Variants in RCOR3 observed in about 807,000 individuals in gnomAD.
RCOR3 encodes the protein REST corepressor 3.
In RCOR3, 13 loss-of-function variants were observed where a neutral mutation model predicts 64.1. The observed-to-expected ratio is 0.20, with a 90% CI of 0.13 to 0.32. The LOEUF is 0.32. Among genes scored for constraint, RCOR3 ranks in the 10% least tolerant of loss-of-function variants. RCOR3 has a pLI of 1.00. For synonymous variants in RCOR3, 215 were observed against 239.0 expected (o/e 0.90, Z 0.93); for missense variants, 489 against 701.2 (o/e 0.70, Z 3.42).
intron 5 of RCOR3, among the ~76,000 whole-genome samples, chr1:211,276,940 G>A (rs1571856050): frequency 6.6e-6 from 1 of 152,014 alleles, no homozygotes; most frequent in East Asian, 1.9e-4. Context: ...CAAAAAATTA[G>A]CTGGGTGTGG....
rs1332320003 is a variant in RCOR3, at chr1:211,279,261, A to G, written c.665A>G (p.His222Arg). The G allele has an allele frequency of 5.6e-6, 9 of 1,611,878 alleles. No individual in the cohort carries two copies. Among genetic ancestry groups the G allele is most frequent in the African/African-American group, 1.3e-5 (1 of 74,804 alleles). The change falls in exon 7 of 12, where the codon CAT (histidine) becomes CGT (arginine). Residue 222 changes from histidine to arginine, a missense_variant. Physicochemically the swap from His to Arg is conservative, Grantham distance 29. Coordinates refer to ENST00000419091, the MANE Select transcript of RCOR3 (RefSeq NM_001136223.3). Reference protein sequence around the residue: ...GDSDDDVEETHPMDGNDSDYD... With the variant: ...GDSDDDVEETRPMDGNDSDYD... ...AGTGATGATGATGTAGAAGAAACACATCCAATGGATGGGAATGATAGTGAT... is the reference window on the plus strand; with the variant it reads ...AGTGATGATGATGTAGAAGAAACACGTCCAATGGATGGGAATGATAGTGAT...
intron 10 of RCOR3, among the ~76,000 whole-genome samples, chr1:211,309,181 A>C (rs1421437075): frequency 6.6e-6 from 1 of 151,924 alleles, no homozygotes; most frequent in Non-Finnish European, 1.5e-5. Flanking sequence ...TACTAGCCAA[A>C]GATTAAAACA....
intron 3 of RCOR3, among the ~76,000 whole-genome samples, chr1:211,272,779 G>T (rs1423426349): frequency 2.7e-5 from 4 of 150,136 alleles, no homozygotes; most frequent in African/African-American, 4.9e-5. Flanking sequence ...CCGCCACTAC[G>T]CCCGGCTAAT....
intron 7 of RCOR3, among the ~76,000 whole-genome samples, chr1:211,288,866 A>G (rs1434479104): frequency 6.6e-6 from 1 of 152,086 alleles, no homozygotes; most frequent in Non-Finnish European, 1.5e-5. Flanking sequence ...GGGAAAATAT[A>G]TCACATCTTG....
intron 4 of RCOR3, among the ~76,000 whole-genome samples, chr1:211,275,036 A>G (rs2102490862): frequency 6.6e-6 from 1 of 151,242 alleles, no homozygotes; most frequent in South Asian, 2.1e-4. Context: ...ACACTCTATT[A>G]TATATAATAT....
intron 2 of RCOR3, among the ~76,000 whole-genome samples, chr1:211,265,602 C>A (rs143688285): frequency 0.032 from 4,824 of 152,132 alleles, 280 homozygotes; most frequent in East Asian, 0.26. Context: ...ACCTGTAATC[C>A]CAGCTACTTG....
chr1:211,283,322 C>T (rs1393016348), intron 7 of RCOR3, among the ~76,000 whole-genome samples: 1 of 152,160 alleles, frequency 6.6e-6, no homozygotes, highest in African/African-American at 2.4e-5. Flanking sequence ...ATTGTTTCAC[C>T]AAAATGCCAA....
intron 2 of RCOR3, among the ~76,000 whole-genome samples, chr1:211,270,116 G>A (rs923263271): frequency 2.0e-4 from 30 of 149,458 alleles, no homozygotes; most frequent in African/African-American, 7.2e-4. Context: ...AGGCTGGAGT[G>A]CAGCTGTGTG....
At chr1:211,305,934 A>G (rs1480638927) in intron 10 of RCOR3, among the ~76,000 whole-genome samples, 1 of 152,194 alleles carries the variant, frequency 6.6e-6, no homozygotes, top group East Asian at 1.9e-4. Flanking sequence ...ATGTACATTT[A>G]AAAAGTAACC....
In RCOR3 at chr1:211,295,639, C is replaced by T. The variant is rs375080499; in HGVS notation, c.940-37C>T. The stretch of plus-strand genomic sequence containing the variant: ...GAGTACTCACAAATTTACCTAAGTA[C>T]GCGATCTGATTCACATTTGGGGTTA... On this transcript the variant is annotated intron_variant, in intron 8 of 11. Coordinates refer to ENST00000419091, the MANE Select transcript of RCOR3 (RefSeq NM_001136223.3). 910 of 1,563,386 alleles carry T rather than the reference C, an allele frequency of 5.8e-4. 2 individuals carry two copies. Among genetic ancestry groups the T allele is most frequent in the Admixed American group, 1.2e-3 (69 of 59,732 alleles).
rs560149469 is a variant in RCOR3 at position 211,260,751 on chromosome 1, G to A, written c.223+587G>A. ...GAGCCGCGGAGAGAAAGGGGTGGGGGAAGGGGGTGGGGAGACGCCAGCGGC... is the reference window on the plus strand; with the variant it reads ...GAGCCGCGGAGAGAAAGGGGTGGGGAAAGGGGGTGGGGAGACGCCAGCGGC... On this transcript the variant is annotated intron_variant, in intron 2 of 11. Coordinates refer to ENST00000419091, the MANE Select transcript of RCOR3 (RefSeq NM_001136223.3). 2.5e-4 allele frequency among the ~76,000 whole-genome samples: 36 copies of A among 144,348 alleles called. 1 individual carries two copies. In the South Asian group the frequency reaches 7.3e-3, roughly 29 times the overall value. The allele number at this position is 144,348 out of a possible 152,430, so 94.7% of individuals were successfully genotyped here. A position where few individuals can be genotyped will look rare whatever the true frequency, so the allele number is the denominator to read the frequency against.
intron 8 of RCOR3, 145 bp from the exon 9 acceptor site, chr1:211,295,531 T>C (rs544018758): frequency 4.7e-6 from 3 of 642,182 alleles, no homozygotes; most frequent in South Asian, 3.8e-5. Flanking sequence ...TAGTGGCATG[T>C]CATACCCCAA....
At chr1:211,268,365 CTTTCTTT>C (rs1695560513) in intron 2 of RCOR3, among the ~76,000 whole-genome samples, 4 of 85,318 alleles carry the variant, frequency 4.7e-5, no homozygotes, top group Admixed American at 1.5e-4. Flanking sequence ...AGTTTCTTTT[CTTTCTTT>C]TTTTTTTTTT....
chr1:211,260,763 G>A (rs897035549), intron 2 of RCOR3, among the ~76,000 whole-genome samples: 12 of 151,622 alleles, frequency 7.9e-5, no homozygotes, highest in Non-Finnish European at 1.2e-4. Context: ...AGGGGGTGGG[G>A]AGACGCCAGC....
chr1:211,305,198 G>C (rs1029132065), intron 10 of RCOR3, among the ~76,000 whole-genome samples: 4 of 152,192 alleles, frequency 2.6e-5, no homozygotes, highest in African/African-American at 9.7e-5. Context: ...ACAGGAGGGT[G>C]CCAGCAGGAT....
chr1:211,314,165 C>T lies in RCOR3; in HGVS notation c.*397C>T, dbSNP rs1701747165. 1.3e-5 allele frequency: 2 copies of T among 157,486 alleles called. No homozygotes were observed. The highest frequency in any genetic ancestry group is 2.0e-4 in the South Asian group (1 of 4,994). 9.8% of individuals were successfully genotyped at this position (157,486 alleles called of 1,614,324 possible). On this transcript the variant is annotated 3_prime_UTR_variant, in exon 12 of 12. Transcript: ENST00000419091. ...TATTGACTTAGGAATTGTGAAAACT[C>T]CTTAAGTTTCTTAAGTTAAGGATGT... is the stretch of plus-strand genomic sequence containing the variant.
intron 2 of RCOR3, 73 bp from the exon 3 acceptor site, chr1:211,271,159 C>T (rs555014711): frequency 2.8e-6 from 4 of 1,404,746 alleles, no homozygotes; most frequent in Non-Finnish European, 4.0e-6. Flanking sequence ...GCCTGGGCAG[C>T]TTACTTTGTT....
rs761210764 is a variant in RCOR3 at position 211,260,089 on chromosome 1, T to G, written c.167-19T>G. The G allele has an allele frequency of 6.3e-7, 1 of 1,587,056 alleles. No homozygotes were observed. The highest frequency in any genetic ancestry group is 2.2e-5 in the East Asian group (1 of 44,530). On this transcript the variant is annotated intron_variant, in intron 1 of 11. Transcript: ENST00000419091. Reference sequence around the variant, plus strand: ...TTCTTTTTTATTTTTTATATATATTTTTTGGCATTGCTTTGCAGATGTTGG... The same window carrying G: ...TTCTTTTTTATTTTTTATATATATTGTTTGGCATTGCTTTGCAGATGTTGG...
At chr1:211,287,068 T>C (rs1005787416) in intron 7 of RCOR3, among the ~76,000 whole-genome samples, 1 of 152,190 alleles carries the variant, frequency 6.6e-6, no homozygotes, top group Non-Finnish European at 1.5e-5. Context: ...TCTAAGACAC[T>C]TTAAAATCTT....
Sources: gnomAD v4.1 joint callset for allele counts (sites outside exome capture counted in the v4.1 genomes callset) on GRCh38, gnomAD v4.1.1 for gene constraint, MANE v1.5 for transcripts, NCBI Gene and HGNC (gene_info 2026-07-23, HGNC 2026-07-21) for gene names.